PARD3: variants seen among roughly 807,000 people sequenced by gnomAD.
The protein encoded by PARD3 is par-3 family cell polarity regulator.
PARD3 carries 75 observed loss-of-function variants against 155.4 expected under a neutral mutation model. The observed-to-expected ratio is 0.48, with a 90% CI of 0.40 to 0.58. PARD3 has a LOEUF of 0.58. PARD3 is among the 20% of genes least tolerant of loss of function. The probability of loss-of-function intolerance (pLI) is 0.00; values close to 1 mark genes in which losing one functional copy is unlikely to be tolerated. For synonymous variants in PARD3, 576 were observed against 610.5 expected (o/e 0.94, Z 0.83); for missense variants, 1,642 against 1,721.7 (o/e 0.95, Z 0.82).
At chr10:34,673,955 A>T (rs974087127) in intron 2 of PARD3, among the ~76,000 whole-genome samples, 2 of 147,424 alleles carry the variant, frequency 1.4e-5, no homozygotes, top group African/African-American at 4.9e-5. Context: ...ACTGCACTCC[A>T]GCATGGAAGA....
chr10:34,324,946 C>T (rs1332000413), intron 19 of PARD3, among the ~76,000 whole-genome samples: 1 of 152,124 alleles, frequency 6.6e-6, no homozygotes, highest in Non-Finnish European at 1.5e-5. Flanking sequence ...CACCCTCTAC[C>T]CCAGAGTCCC....
chr10:34,508,141 A>G (rs2081197267), intron 3 of PARD3, among the ~76,000 whole-genome samples: 1 of 152,190 alleles, frequency 6.6e-6, no homozygotes, highest in South Asian at 2.1e-4. Context: ...ACAATTATTG[A>G]TATTTCTTTA....
intron 22 of PARD3, among the ~76,000 whole-genome samples, chr10:34,149,425 T>C (rs1165545949): frequency 6.6e-6 from 1 of 152,100 alleles, no homozygotes. Flanking sequence ...CCCAGGAAAA[T>C]ATCTTTACAA....
chr10:34,655,577 GGC>G (rs1241257966), intron 2 of PARD3, among the ~76,000 whole-genome samples: 1 of 152,154 alleles, frequency 6.6e-6, no homozygotes, highest in East Asian at 1.9e-4. Context: ...TCCATTTTAT[GGC>G]TCTTCCCAAG....
rs530439167 is a variant in PARD3, at chr10:34,347,829, T to C, written c.2218+136A>G. The stretch of plus-strand genomic sequence containing the variant: ...ATGATTTTAATAAACCTGTTCTCTT[T>C]TGTCTTGAAAACATTAATATTTTTA... On this transcript the variant is annotated intron_variant, in intron 15 of 24. Coordinates refer to ENST00000374788, the MANE Select transcript of PARD3 (RefSeq NM_001184785.2). 4.9e-6 allele frequency: 3 copies of C among 610,574 alleles called. No individual in the cohort carries two copies. In the East Asian group the frequency reaches 9.9e-5, roughly 20 times the overall value. The allele number at this position is 610,574 out of a possible 1,614,324, so 37.8% of individuals were successfully genotyped here.
chr10:34,326,789 C>T (rs1447834578), intron 19 of PARD3, among the ~76,000 whole-genome samples: 6 of 152,160 alleles, frequency 3.9e-5, no homozygotes, highest in African/African-American at 1.2e-4. Context: ...TGGAGCAGTG[C>T]TTTTCTCCTA....
At chr10:34,484,391 A>G (rs1386696148) in intron 3 of PARD3, among the ~76,000 whole-genome samples, 1 of 152,198 alleles carries the variant, frequency 6.6e-6, no homozygotes, top group Non-Finnish European at 1.5e-5. Flanking sequence ...CTTTAAAGGA[A>G]CTATACCACT....
At chr10:34,533,932 T>C (rs554072836) in intron 2 of PARD3, among the ~76,000 whole-genome samples, 4 of 152,258 alleles carry the variant, frequency 2.6e-5, no homozygotes, top group African/African-American at 7.2e-5. Flanking sequence ...ATTCTATCTG[T>C]TGGCAAAAAT....
chr10:34,812,104 T>C (rs1050663291), intron 1 of PARD3, among the ~76,000 whole-genome samples: 5 of 152,194 alleles, frequency 3.3e-5, no homozygotes, highest in African/African-American at 7.2e-5. Context: ...ATCATGACAC[T>C]TCACTATCCA....
chr10:34,460,984 A>T (rs1214955976), intron 4 of PARD3, among the ~76,000 whole-genome samples: 1 of 152,258 alleles, frequency 6.6e-6, no homozygotes, highest in East Asian at 1.9e-4. Context: ...CTTTGTTATC[A>T]TTAGTGAAAA....
intron 22 of PARD3, among the ~76,000 whole-genome samples, chr10:34,250,154 T>TC (rs1954215140): frequency 1.3e-5 from 2 of 148,926 alleles, no homozygotes; most frequent in African/African-American, 5.2e-5. Flanking sequence ...CTGCTCCCCC[T>TC]CCACACACAC....
At chr10:34,488,117 A>G (rs2079597138) in intron 3 of PARD3, among the ~76,000 whole-genome samples, 1 of 152,084 alleles carries the variant, frequency 6.6e-6, no homozygotes, top group South Asian at 2.1e-4. Flanking sequence ...TCACCTCAGG[A>G]TGTGCGTTTG....
intron 2 of PARD3, among the ~76,000 whole-genome samples, chr10:34,555,249 C>T (rs1432361478): frequency 6.6e-6 from 1 of 152,172 alleles, no homozygotes; most frequent in Non-Finnish European, 1.5e-5. Context: ...GTACCTTGCA[C>T]TCAATTCTTC....
intron 23 of PARD3, among the ~76,000 whole-genome samples, chr10:34,130,275 G>A (rs1410896525): frequency 6.6e-6 from 1 of 151,994 alleles, no homozygotes; most frequent in African/African-American, 2.4e-5. Flanking sequence ...ATCCTTCCTT[G>A]AGCTATACTT....
At chr10:34,343,618 G>A (rs955006833) in intron 15 of PARD3, 4 of 985,220 alleles carry the variant, frequency 4.1e-6, no homozygotes, top group Admixed American at 6.2e-5. Context: ...ATGGCTCCAA[G>A]ATTATACCAG....
At chr10:34,762,966 T>C (rs1193474836) in intron 1 of PARD3, among the ~76,000 whole-genome samples, 1 of 152,210 alleles carries the variant, frequency 6.6e-6, no homozygotes, top group African/African-American at 2.4e-5. Context: ...CAACACTCCA[T>C]ACACTGAGAA....
chr10:34,143,705 A>ATT lies in PARD3; in HGVS notation c.3420-12123_3420-12122insAA, dbSNP rs377439784. ...CTTGAAATGACTCAGAATATTAAAT[A>ATT]ATGTAACAAGAGATATATCACCTGT... On this transcript the variant is annotated intron_variant, in intron 22 of 24. Coordinates refer to ENST00000374788, the MANE Select transcript of PARD3 (RefSeq NM_001184785.2). Among the ~76,000 whole-genome samples the ATT allele has an allele frequency of 2.2e-3, 332 of 152,322 alleles. 1 individual carries two copies. The highest frequency in any genetic ancestry group is 7.5e-3 in the African/African-American group (313 of 41,576).
chr10:34,650,508 G>T (rs2092975545), intron 2 of PARD3, among the ~76,000 whole-genome samples: 1 of 152,202 alleles, frequency 6.6e-6, no homozygotes, highest in Non-Finnish European at 1.5e-5. Flanking sequence ...AGACCTGTGT[G>T]CCTGGGCAGG....
At chr10:34,289,751 C>G (rs369477613) in intron 20 of PARD3, among the ~76,000 whole-genome samples, 2 of 152,198 alleles carry the variant, frequency 1.3e-5, no homozygotes, top group East Asian at 1.9e-4. Flanking sequence ...ACAGCAATGT[C>G]TTCATTCAGC....
Sources: gnomAD v4.1 joint callset for allele counts (sites outside exome capture counted in the v4.1 genomes callset) on GRCh38, gnomAD v4.1.1 for gene constraint, MANE v1.5 for transcripts, NCBI Gene and HGNC (gene_info 2026-07-23, HGNC 2026-07-21) for gene names.